Variants in NRF1 observed in about 807,000 individuals in gnomAD.
NRF1 encodes alpha palindromic-binding protein.
NRF1 carries 5 observed loss-of-function variants against 58.5 expected under a neutral mutation model. The ratio of observed to expected loss-of-function variants is 0.09; its 90% CI spans 0.04 to 0.18. The LOEUF (loss-of-function observed/expected upper bound fraction) is 0.18, where lower values mean the gene tolerates loss of function less well. NRF1 is among the 10% of genes least tolerant of loss of function. The probability of loss-of-function intolerance (pLI) is 1.00; values close to 1 mark genes in which losing one functional copy is unlikely to be tolerated. For synonymous variants in NRF1, 224 were observed against 246.7 expected, an observed-to-expected ratio of 0.91 and a Z score of 0.86; for missense variants, 288 against 657.7, an observed-to-expected ratio of 0.44 and a Z score of 6.15.
chr7:129,646,256 T>G (rs776721257), intron 1 of NRF1, among the ~76,000 whole-genome samples: 10 of 152,232 alleles, frequency 6.6e-5, no homozygotes, highest in Non-Finnish European at 8.8e-5. Context: ...AAAATGGGCT[T>G]CATTTTTTAC....
At chr7:129,644,120 A>G (rs1403950865) in intron 1 of NRF1, among the ~76,000 whole-genome samples, 8 of 152,154 alleles carry the variant, frequency 5.3e-5, no homozygotes, top group Non-Finnish European at 1.2e-4. Flanking sequence ...CCCTTAGCAA[A>G]TATCACTAGA....
intron 1 of NRF1, among the ~76,000 whole-genome samples, chr7:129,616,304 T>A (rs986481608): frequency 6.6e-6 from 1 of 152,164 alleles, no homozygotes; most frequent in Non-Finnish European, 1.5e-5. Context: ...AAACAATGGC[T>A]GGTTATGGTG....
chr7:129,627,806 A>G (rs1226394740), intron 1 of NRF1, among the ~76,000 whole-genome samples: 1 of 152,176 alleles, frequency 6.6e-6, no homozygotes, highest in African/African-American at 2.4e-5. Context: ...TTAACACATT[A>G]TCTTGGTATT....
chr7:129,673,679 A>T lies in NRF1; in HGVS notation c.338+2136A>T, dbSNP rs1484255297. ...TTGCAGTGAGCGGAGATCGCGCCACAGCACTCCCGCCTGGGCGACAGAGCG... is the reference window on the plus strand; with the variant it reads ...TTGCAGTGAGCGGAGATCGCGCCACTGCACTCCCGCCTGGGCGACAGAGCG... On this transcript the variant is annotated intron_variant, in intron 3 of 10. Coordinates refer to ENST00000393232, the MANE Select transcript of NRF1 (RefSeq NM_005011.5). Among the ~76,000 whole-genome samples, 880 of 134,820 alleles carry T rather than the reference A, an allele frequency of 6.5e-3. 5 individuals carry two copies. Among genetic ancestry groups the T allele is most frequent in the Non-Finnish European group, 7.2e-3 (467 of 64,426 alleles). 88.4% of individuals were successfully genotyped at this position (134,820 alleles called of 152,430 possible).
intron 10 of NRF1, among the ~76,000 whole-genome samples, chr7:129,751,342 A>C (rs1349023809): frequency 6.6e-6 from 1 of 152,258 alleles, no homozygotes; most frequent in East Asian, 1.9e-4. Flanking sequence ...CCACTGAAGA[A>C]CTGTGAAGGA....
chr7:129,644,667 C>A (rs960957116), intron 1 of NRF1, among the ~76,000 whole-genome samples: 2 of 152,190 alleles, frequency 1.3e-5, no homozygotes, highest in Admixed American at 1.3e-4. Context: ...GCAGAAAGTT[C>A]TACCAGACAG....
chr7:129,629,276 G>A (rs1800993820), intron 1 of NRF1, among the ~76,000 whole-genome samples: 1 of 146,074 alleles, frequency 6.8e-6, no homozygotes, highest in Non-Finnish European at 1.5e-5. Context: ...TAGCACACAC[G>A]CTTTTTTTTT....
At chr7:129,719,383 C>T (rs1474969850) in intron 9 of NRF1, among the ~76,000 whole-genome samples, 1 of 152,148 alleles carries the variant, frequency 6.6e-6, no homozygotes, top group African/African-American at 2.4e-5. Context: ...CCACCCGCCT[C>T]AGCCTCCCAA....
intron 10 of NRF1, among the ~76,000 whole-genome samples, chr7:129,737,943 G>GT (rs1803757234): frequency 6.6e-6 from 1 of 152,172 alleles, no homozygotes; most frequent in South Asian, 2.1e-4. Context: ...TGTGTGAGCT[G>GT]TGAGTCCCAG....
chr7:129,621,868 C>T (rs929025114), intron 1 of NRF1, among the ~76,000 whole-genome samples: 15 of 150,560 alleles, frequency 1.0e-4, no homozygotes, highest in Non-Finnish European at 1.8e-4. Flanking sequence ...CTGTAACTTC[C>T]GCCTCTCGGG....
chr7:129,699,929 G>A (rs537527129), intron 5 of NRF1, among the ~76,000 whole-genome samples: 1 of 151,340 alleles, frequency 6.6e-6, no homozygotes, highest in African/African-American at 2.4e-5. Flanking sequence ...CACGAGGTCA[G>A]GAGTTTGAGA....
Position 129,741,211 on chromosome 7 carries a change from C to T in NRF1, c.1349-13807C>T, listed in dbSNP as rs970256816. Among the ~76,000 whole-genome samples the T allele has an allele frequency of 4.6e-5, 7 of 152,152 alleles. No individual in the cohort carries two copies. The highest frequency in any genetic ancestry group is 8.8e-5 in the Non-Finnish European group (6 of 68,024). On this transcript the variant is annotated intron_variant, in intron 10 of 10. Transcript: ENST00000393232. This position sits in a 1 kb window ranked among gnomAD's most constrained non-coding sequence, Gnocchi z 4.0. Reference sequence around the variant, plus strand: ...ACACCAATCTGAGCCAGGGACATTCCGAGCAGACAACTCAGGTCAGGGCTT... The same window carrying T: ...ACACCAATCTGAGCCAGGGACATTCTGAGCAGACAACTCAGGTCAGGGCTT...
chr7:129,645,543 C>T (rs1020156586), intron 1 of NRF1, among the ~76,000 whole-genome samples: 1 of 152,180 alleles, frequency 6.6e-6, no homozygotes, highest in African/African-American at 2.4e-5. Context: ...ACGCAGTCCG[C>T]TAGGGAGTTA....
chr7:129,651,444 G>GGT, intron 1 of NRF1, among the ~76,000 whole-genome samples: 1 of 114,348 alleles, frequency 8.7e-6, no homozygotes. Context: ...AATGGTTAGA[G>GGT]AGGCCAAAGA....
At chr7:129,634,937 C>T (rs556188290) in intron 1 of NRF1, among the ~76,000 whole-genome samples, 2 of 152,246 alleles carry the variant, frequency 1.3e-5, no homozygotes, top group East Asian at 3.9e-4. Flanking sequence ...GGTTGTACTT[C>T]GCTTGTTCTT....
Position 129,727,325 on chromosome 7 carries a change from A to C in NRF1, c.1308A>C (p.Ala436=), listed in dbSNP as rs1386074627. Residue 436 remains alanine (A), a synonymous_variant, in exon 10 of 11, where the codon GCA becomes GCC. Coordinates refer to ENST00000393232, the MANE Select transcript of NRF1 (RefSeq NM_005011.5). Reference sequence around the variant, plus strand: ...AGATCGTCTTGTCTGGGGAAACCGCAGCAGCCGTCGGAGCACTTACTGGAG... The same window carrying C: ...AGATCGTCTTGTCTGGGGAAACCGCCGCAGCCGTCGGAGCACTTACTGGAG... ...GGQIVLSGET[A]AAVGALTGVQ... 6.2e-7 allele frequency: 1 copy of C among 1,609,658 alleles called. No individual in the cohort carries two copies. Among genetic ancestry groups the C allele is most frequent in the Non-Finnish European group, 8.5e-7 (1 of 1,178,610 alleles).
intron 8 of NRF1, among the ~76,000 whole-genome samples, chr7:129,717,010 A>T (rs1218299952): frequency 6.6e-6 from 1 of 152,206 alleles, no homozygotes; most frequent in Non-Finnish European, 1.5e-5. Context: ...TTCTTCATGC[A>T]AATGCAAGCA....
intron 5 of NRF1, among the ~76,000 whole-genome samples, chr7:129,703,208 G>A (rs1308901635): frequency 1.3e-5 from 2 of 152,102 alleles, no homozygotes; most frequent in Non-Finnish European, 2.9e-5. Context: ...GATTTGGTGT[G>A]GCTGTACTGA....
At position 129,741,470 on chromosome 7, in the gene NRF1, A is replaced by G. The variant is rs896807806; in HGVS notation, c.1349-13548A>G. Among the ~76,000 whole-genome samples the G allele has an allele frequency of 1.3e-5, 2 of 152,098 alleles. No individual in the cohort carries two copies. Among genetic ancestry groups the G allele is most frequent in the African/African-American group, 2.4e-5 (1 of 41,414 alleles). Reference sequence around the variant, plus strand: ...TCTTGTGCCTGTCATTGTGAGCGCTATTCTGTAAAGGGATTTTTTTTTCTG... The same window carrying G: ...TCTTGTGCCTGTCATTGTGAGCGCTGTTCTGTAAAGGGATTTTTTTTTCTG... On this transcript the variant is annotated intron_variant, in intron 10 of 10. Coordinates refer to ENST00000393232, the MANE Select transcript of NRF1 (RefSeq NM_005011.5). This position sits in a 1 kb window ranked among gnomAD's most constrained non-coding sequence, Gnocchi z 4.0.
Sources: gnomAD v4.1 joint callset for allele counts (sites outside exome capture counted in the v4.1 genomes callset) on GRCh38, gnomAD v4.1.1 for gene constraint, Gnocchi (gnomAD v3.1) non-coding constraint, MANE v1.5 for transcripts, NCBI Gene and HGNC (gene_info 2026-07-23, HGNC 2026-07-21) for gene names.